Variants in SDC4 observed in about 807,000 individuals in gnomAD.
SDC4 encodes syndecan-4.
Under a neutral mutation model 20.5 loss-of-function variants are expected in SDC4, and 17 were observed. The observed-to-expected ratio is 0.83, with a 90% confidence interval of 0.57 to 1.25. The LOEUF (loss-of-function observed/expected upper bound fraction) is 1.25, where lower values mean the gene tolerates loss of function less well. Among genes scored for constraint, SDC4 ranks in the 50% most tolerant of loss-of-function variants. The pLI is 0.00. For synonymous variants in SDC4, 107 were observed against 105.3 expected, an observed-to-expected ratio of 1.02 and a Z score of -0.10; for missense variants, 241 against 252.3, an observed-to-expected ratio of 0.96 and a Z score of 0.30.
intron 1 of SDC4, among the ~76,000 whole-genome samples, chr20:45,336,178 G>T (rs370632009): frequency 6.6e-6 from 1 of 152,120 alleles, no homozygotes; most frequent in African/African-American, 2.4e-5. Flanking sequence ...TTTGGGAGGC[G>T]GAGGCAGGCA....
intron 4 of SDC4, among the ~76,000 whole-genome samples, chr20:45,329,475 G>A (rs1443681891): frequency 2.0e-5 from 3 of 152,228 alleles, no homozygotes; most frequent in Non-Finnish European, 4.4e-5. Context: ...TCAGATACCA[G>A]GAAGCCAGGG....
intron 1 of SDC4, among the ~76,000 whole-genome samples, chr20:45,347,134 C>A (rs953322595): frequency 2.6e-5 from 4 of 152,104 alleles, no homozygotes; most frequent in African/African-American, 9.7e-5. Flanking sequence ...TCATGGCATG[C>A]CTGGAATTGT....
rs1987854128 is a variant in SDC4, at chr20:45,335,800, A to G, written c.181T>C (p.Ser61Pro). 2 of 1,613,790 alleles carry G rather than the reference A, an allele frequency of 1.2e-6. No homozygotes were observed. Among genetic ancestry groups the G allele is most frequent in the Admixed American group, 3.3e-5 (2 of 59,990 alleles). The change falls in exon 2 of 5, where the codon TCT becomes CCT. Residue 61 changes from serine (S) to proline (P), a missense_variant. By Grantham distance (74) the Ser-to-Pro change is moderately conservative (BLOSUM62 -1). Transcript: ENST00000372733. ...TCCGTACCCAGATCTCCAGAGCCAG[A>G]CAGCTCAAAGTCATCAGATTCCTGC... ...PGQESDDFEL[S>P]GSGDLDDLED...
intron 4 of SDC4, among the ~76,000 whole-genome samples, chr20:45,328,042 G>C (rs562727438): frequency 2.6e-4 from 39 of 152,338 alleles, no homozygotes; most frequent in African/African-American, 9.4e-4. Context: ...CCAGGAACAG[G>C]AGAAAACCGT....
intron 1 of SDC4, among the ~76,000 whole-genome samples, chr20:45,336,960 C>T (rs1018500794): frequency 6.6e-6 from 1 of 151,908 alleles, no homozygotes; most frequent in Non-Finnish European, 1.5e-5. Flanking sequence ...CCTCACAGAC[C>T]ATCCACTCCA....
intron 1 of SDC4, chr20:45,345,704 C>T (rs538011459): frequency 1.1e-3 from 166 of 152,364 alleles, no homozygotes; most frequent in African/African-American, 3.8e-3. Flanking sequence ...AGGCTGTGCC[C>T]CTGGGTAGGA....
In SDC4 at chr20:45,333,023, C is replaced by T; in HGVS notation, c.246G>A (p.Leu82=). 6.2e-7 allele frequency: 1 copy of T among 1,614,112 alleles called. No individual in the cohort carries two copies. Among genetic ancestry groups the T allele is most frequent in the Non-Finnish European group, 8.5e-7 (1 of 1,179,952 alleles). The change falls in exon 3 of 5, where the codon TTG becomes TTA. Residue 82 remains leucine (L), a splice_region_variant and synonymous_variant. Transcript: ENST00000372733. Reference sequence around the variant, plus strand: ...GAGGCAGAAGCATGTAGCTACTTACCAAGGGATGGACAACTTCAGGGCCGA... The same window carrying T: ...GAGGCAGAAGCATGTAGCTACTTACTAAGGGATGGACAACTTCAGGGCCGA... ...SMIGPEVVHP[L]VPLDNHIPER...
At chr20:45,335,726 G>A in intron 2 of SDC4, 56 bp downstream of exon 2, 1 of 1,578,446 alleles carries the variant, frequency 6.3e-7, no homozygotes, top group Non-Finnish European at 8.7e-7. Flanking sequence ...CCTGGCTGGT[G>A]AAGCCACCAC....
intron 3 of SDC4, 138 bp downstream of exon 3, chr20:45,332,885 G>A: frequency 1.3e-6 from 1 of 797,514 alleles, no homozygotes; most frequent in Non-Finnish European, 2.0e-6. Flanking sequence ...CCCAGGGCCA[G>A]ATTTTTAAAA....
intron 4 of SDC4, among the ~76,000 whole-genome samples, chr20:45,328,488 G>A (rs1485367677): frequency 6.6e-6 from 1 of 152,238 alleles, no homozygotes; most frequent in Non-Finnish European, 1.5e-5. Flanking sequence ...TGAATCAGGT[G>A]TGCACAACAG....
intron 1 of SDC4, 87 bp from the exon 2 acceptor site, chr20:45,336,007 GA>G (rs1271750627): frequency 1.4e-6 from 2 of 1,466,510 alleles, no homozygotes; most frequent in Non-Finnish European, 9.3e-7. Flanking sequence ...TGGGCATTCA[GA>G]AACTAGAAAG....
At chr20:45,333,596 T>C (rs1035694409) in intron 2 of SDC4, among the ~76,000 whole-genome samples, 1 of 152,154 alleles carries the variant, frequency 6.6e-6, no homozygotes, top group East Asian at 1.9e-4. Context: ...TTGAACCCGG[T>C]TGGCAGAGGT....
At chr20:45,346,233 A>T in intron 1 of SDC4, among the ~76,000 whole-genome samples, 1 of 152,066 alleles carries the variant, frequency 6.6e-6, no homozygotes, top group East Asian at 1.9e-4. Context: ...ACTATGTCTG[A>T]TTTTTCCAAC....
intron 4 of SDC4, among the ~76,000 whole-genome samples, chr20:45,329,947 G>A (rs1389075052): frequency 6.6e-6 from 1 of 152,128 alleles, no homozygotes; most frequent in Non-Finnish European, 1.5e-5. Context: ...AAGCTTCTCA[G>A]CCAAGGTCAC....
At position 45,335,716 on chromosome 20, in the gene SDC4, C is replaced by G. The variant is rs781185676; in HGVS notation, c.199+66G>C. The G allele has an allele frequency of 9.9e-5, 154 of 1,558,364 alleles. No individual in the cohort carries two copies. In the African/African-American group the frequency reaches 1.8e-3, roughly 18 times the overall value. The stretch of plus-strand genomic sequence containing the variant: ...CCAAGTCTCAAGGCATGGTCACCCT[C>G]CTGGCTGGTGAAGCCACCACTCCCT... On this transcript the variant is annotated intron_variant, in intron 2 of 4. Coordinates refer to ENST00000372733, the MANE Select transcript of SDC4 (RefSeq NM_002999.4).
intron 1 of SDC4, among the ~76,000 whole-genome samples, chr20:45,338,177 T>C (rs528781943): frequency 2.0e-4 from 30 of 152,142 alleles, no homozygotes; most frequent in African/African-American, 7.0e-4. Context: ...TTTGCAGAGA[T>C]GGAAACAAGG....
rs749332147 is a variant in SDC4 at position 45,335,793 on chromosome 20, G to A, written c.188C>T (p.Ser63Phe). ...CACACCTTCCGTACCCAGATCTCCA[G>A]AGCCAGACAGCTCAAAGTCATCAGA... is the stretch of plus-strand genomic sequence containing the variant. ...QESDDFELSGSGDLDDLEDSM... is the reference protein window; with the variant it reads ...QESDDFELSGFGDLDDLEDSM... Residue 63 changes from serine (S) to phenylalanine (F), a missense_variant, in exon 2 of 5, where the codon TCT becomes TTT. Physicochemically the swap from Ser to Phe is radical, Grantham distance 155. Coordinates refer to ENST00000372733, the MANE Select transcript of SDC4 (RefSeq NM_002999.4). 6.2e-7 allele frequency: 1 copy of A among 1,613,794 alleles called. No individual in the cohort carries two copies. The highest frequency in any genetic ancestry group is 8.5e-7 in the Non-Finnish European group (1 of 1,179,896).
At chr20:45,336,012 T>C in intron 1 of SDC4, 92 bp from the exon 2 acceptor site, 2 of 1,430,262 alleles carry the variant, frequency 1.4e-6, no homozygotes, top group Non-Finnish European at 1.9e-6. Flanking sequence ...ATTCAGAAAC[T>C]AGAAAGAGAC....
At chr20:45,333,511 A>G (rs1987812358) in intron 2 of SDC4, among the ~76,000 whole-genome samples, 1 of 152,174 alleles carries the variant, frequency 6.6e-6, no homozygotes, top group Non-Finnish European at 1.5e-5. Context: ...TCTGCTGAAA[A>G]TACAAAAATT....
Sources: allele counts gnomAD v4.1 joint callset (sites outside exome capture counted in the v4.1 genomes callset), GRCh38; gene constraint gnomAD v4.1.1; transcripts MANE v1.5; gene names NCBI Gene and HGNC (gene_info 2026-07-23, HGNC 2026-07-21).